Variants in POC5 observed in about 807,000 individuals in gnomAD.
POC5 encodes POC5 centriolar protein, also known as centrosomal protein POC5.
In POC5, 48 loss-of-function variants were observed where a neutral mutation model predicts 62.9. That is an observed-to-expected ratio of 0.76 (90% CI 0.61 to 0.97). The LOEUF (loss-of-function observed/expected upper bound fraction) is 0.97. Among genes scored for constraint, POC5 ranks in the 50% least tolerant of loss-of-function variants. The probability of loss-of-function intolerance (pLI) is 0.00; values close to 1 mark genes in which losing one functional copy is unlikely to be tolerated. For missense variants in POC5, 696 were observed against 679.5 expected, an observed-to-expected ratio of 1.02 and a Z score of -0.27; for synonymous variants, 236 against 228.2, an observed-to-expected ratio of 1.03 and a Z score of -0.31.
chr5:75,683,236 GTTGT>G (rs1192059593), intron 10 of POC5, among the ~76,000 whole-genome samples: 14 of 57,296 alleles, frequency 2.4e-4, no homozygotes, highest in African/African-American at 1.3e-3. Context: ...AGTTAACAGT[GTTGT>G]TTTTTTTTTT....
intron 1 of POC5, among the ~76,000 whole-genome samples, chr5:75,716,505 T>C (rs957678541): frequency 1.2e-4 from 18 of 151,992 alleles, no homozygotes; most frequent in Admixed American, 2.0e-4. Context: ...TTGGAAAATA[T>C]GCTATCTTCC....
chr5:75,708,330 G>A (rs1359899916), intron 2 of POC5, among the ~76,000 whole-genome samples: 1 of 152,166 alleles, frequency 6.6e-6, no homozygotes, highest in Non-Finnish European at 1.5e-5. Flanking sequence ...CTGGGTGACA[G>A]AGCAAGATCC....
intron 11 of POC5, among the ~76,000 whole-genome samples, chr5:75,675,741 G>T (rs1038635693): frequency 2.0e-5 from 3 of 152,178 alleles, no homozygotes; most frequent in Non-Finnish European, 4.4e-5. Flanking sequence ...TGCCAAAAAG[G>T]CTTTCTCCTT....
At position 75,717,090 on chromosome 5, in the gene POC5, CAG is replaced by C. The variant is rs3215048; in HGVS notation, c.-15+214_-15+215del. 5.9e-5 allele frequency among the ~76,000 whole-genome samples: 9 copies of C among 152,318 alleles called. No individual in the cohort carries two copies. In the East Asian group the frequency reaches 1.7e-3, roughly 29 times the overall value. Reference sequence around the variant, plus strand: ...TTTAAGTGACCGGAACCTCTGATGACAGTAATCGCTCAGCATCCCTCACTCCT... The same window carrying C: ...TTTAAGTGACCGGAACCTCTGATGACTAATCGCTCAGCATCCCTCACTCCT... On this transcript the variant is annotated intron_variant, in intron 1 of 11. Coordinates refer to ENST00000428202, the MANE Select transcript of POC5 (RefSeq NM_001099271.2).
At chr5:75,691,381 T>C (rs1234459563) in intron 7 of POC5, among the ~76,000 whole-genome samples, 1 of 152,210 alleles carries the variant, frequency 6.6e-6, no homozygotes, top group Non-Finnish European at 1.5e-5. Context: ...TCCAAAAATC[T>C]GAAACTTTTT....
Position 75,676,520 on chromosome 5 carries a change from T to G in POC5, c.1584+1254A>C, listed in dbSNP as rs1453803790. 2.6e-5 allele frequency among the ~76,000 whole-genome samples: 4 copies of G among 151,914 alleles called. No homozygotes were observed. In the East Asian group the frequency reaches 7.7e-4, roughly 29 times the overall value. On this transcript the variant is annotated intron_variant, in intron 11 of 11. Coordinates refer to ENST00000428202, the MANE Select transcript of POC5 (RefSeq NM_001099271.2). ...TCAAATCAATCCAGCTTGTCTTCAT[T>G]TAATCATCTAGTGCCCAGCTAGTAC...
At chr5:75,707,692 C>G in intron 3 of POC5, 45 bp downstream of exon 3, 1 of 1,387,548 alleles carries the variant, frequency 7.2e-7, no homozygotes. Context: ...TTAATAAACT[C>G]AGTAATATTT....
intron 10 of POC5, 30 bp downstream of exon 10, chr5:75,685,177 T>C (rs1255215063): frequency 6.4e-7 from 1 of 1,561,946 alleles, no homozygotes; most frequent in Non-Finnish European, 8.7e-7. Context: ...GCCCTTTTCA[T>C]AAGGTGGGAC....
At chr5:75,695,952 G>C (rs1356228256) in intron 5 of POC5, 2 of 152,444 alleles carry the variant, frequency 1.3e-5, no homozygotes, top group Non-Finnish European at 2.9e-5. Context: ...AGGGGTGACA[G>C]ATGGCACCTG....
At chr5:75,705,540 T>G (rs1777080099) in intron 4 of POC5, 164 bp downstream of exon 4, 7 of 520,084 alleles carry the variant, frequency 1.3e-5, no homozygotes, top group Non-Finnish European at 2.3e-5. Context: ...TTTTGGTATC[T>G]TATCAAATTA....
At chr5:75,705,508 T>C (rs1777078584) in intron 4 of POC5, 196 bp downstream of exon 4, 3 of 443,200 alleles carry the variant, frequency 6.8e-6, no homozygotes, top group Admixed American at 4.1e-5. Context: ...CTATAATGCA[T>C]TGACCTGTCT....
chr5:75,680,351 T>G (rs766034936), intron 10 of POC5, among the ~76,000 whole-genome samples: 3 of 151,992 alleles, frequency 2.0e-5, no homozygotes, highest in African/African-American at 7.2e-5. Flanking sequence ...AAAATTAGAG[T>G]AGCAGGAAAA....
At chr5:75,681,924 ATCAAGTTTCTTT>A (rs1433341542) in intron 10 of POC5, among the ~76,000 whole-genome samples, 1 of 152,204 alleles carries the variant, frequency 6.6e-6, no homozygotes, top group Non-Finnish European at 1.5e-5. Flanking sequence ...TACTTTTGTT[ATCAAGTTTCTTT>A]TAAAAACAAA....
At chr5:75,714,594 G>A (rs1268404488) in intron 1 of POC5, among the ~76,000 whole-genome samples, 1 of 152,132 alleles carries the variant, frequency 6.6e-6, no homozygotes, top group Non-Finnish European at 1.5e-5. Flanking sequence ...AACTGTTGGT[G>A]GCTTCCAGAT....
chr5:75,682,475 C>G (rs1775903279), intron 10 of POC5, among the ~76,000 whole-genome samples: 1 of 151,342 alleles, frequency 6.6e-6, no homozygotes, highest in Non-Finnish European at 1.5e-5. Flanking sequence ...ACAAACACAG[C>G]TGAAAATATG....
At chr5:75,713,488 C>T (rs1777431554) in intron 1 of POC5, among the ~76,000 whole-genome samples, 1 of 152,182 alleles carries the variant, frequency 6.6e-6, no homozygotes, top group Non-Finnish European at 1.5e-5. Context: ...ACTATTCGAA[C>T]TATCTGAATA....
At chr5:75,683,996 G>T (rs997732649) in intron 10 of POC5, among the ~76,000 whole-genome samples, 30 of 152,180 alleles carry the variant, frequency 2.0e-4, no homozygotes, top group Non-Finnish European at 4.4e-4. Flanking sequence ...GAGCCAATAT[G>T]CCCGGCCTCT....
At chr5:75,688,196 T>C (rs1288083545) in intron 9 of POC5, among the ~76,000 whole-genome samples, 2 of 152,238 alleles carry the variant, frequency 1.3e-5, no homozygotes, top group Non-Finnish European at 2.9e-5. Flanking sequence ...TTACAAAATC[T>C]TGAGACGTTG....
At chr5:75,692,326 T>C in intron 7 of POC5, 70 bp downstream of exon 7, 4 of 1,024,974 alleles carry the variant, frequency 3.9e-6, no homozygotes, top group Non-Finnish European at 5.5e-6. Context: ...ACAACTATAA[T>C]AAGTGATCCT....
Sources: allele counts gnomAD v4.1 joint callset (sites outside exome capture counted in the v4.1 genomes callset), GRCh38; gene constraint gnomAD v4.1.1; transcripts MANE v1.5; gene names NCBI Gene and HGNC (gene_info 2026-07-23, HGNC 2026-07-21).